SEZ6: variants seen among roughly 807,000 people sequenced by gnomAD.
The protein encoded by SEZ6 is seizure protein 6 homolog.
In SEZ6, 53 loss-of-function variants were observed where a neutral mutation model predicts 101.0. That is an observed-to-expected ratio of 0.52 (90% CI 0.42 to 0.66). SEZ6 has a LOEUF of 0.66. Among genes scored for constraint, SEZ6 ranks in the 30% least tolerant of loss-of-function variants. SEZ6 has a pLI of 0.00. For missense variants in SEZ6, 1,102 were observed against 1,289.4 expected (o/e 0.85, Z 2.23); for synonymous variants, 488 against 512.2 (o/e 0.95, Z 0.64).
chr17:28,959,741 G>A lies in SEZ6; in HGVS notation c.1728C>T (p.Asp576=). 1 of 1,610,836 alleles carries A rather than the reference G, an allele frequency of 6.2e-7. No individual in the cohort carries two copies. The change falls in exon 8 of 17, where the codon GAC becomes GAT. Residue 576 remains aspartate, a synonymous_variant. Transcript: ENST00000317338. This position sits in a 1 kb window ranked among gnomAD's most constrained non-coding sequence, Gnocchi z 4.4. The part of the protein sequence containing the change: ...EQGSIIIECV[D]PHDPQWNETE... The stretch of plus-strand genomic sequence containing the variant: ...TCTCATTCCACTGGGGGTCGTGGGG[G>A]TCAACACACTCGATGATGATGGAGC...
chr17:28,994,679 G>C (rs976977465), intron 1 of SEZ6, among the ~76,000 whole-genome samples: 1 of 151,982 alleles, frequency 6.6e-6, no homozygotes, highest in African/African-American at 2.4e-5. Flanking sequence ...AAAGTGCTGG[G>C]ATTACAGGCG....
Position 28,981,618 on chromosome 17 carries a change from G to A in SEZ6, c.477C>T (p.Pro159=). ...GGCCTAGGGTGGGCACTGCCATGCT[G>A]GGCCCTGGAGGTAGGGGAGCTGTGA... is the stretch of plus-strand genomic sequence containing the variant. The part of the protein sequence containing the change: ...LRITAPLPPG[P]SMAVPTLGPG... The change falls in exon 2 of 17, where the codon CCC becomes CCT. Residue 159 remains proline (P), a synonymous_variant. Transcript: ENST00000317338. 1 of 1,591,898 alleles carries A rather than the reference G, an allele frequency of 6.3e-7. No individual in the cohort carries two copies. Among genetic ancestry groups the A allele is most frequent in the Non-Finnish European group, 8.6e-7 (1 of 1,165,226 alleles).
chr17:28,961,746 GA>G (rs1031916454), intron 5 of SEZ6, among the ~76,000 whole-genome samples: 3 of 152,200 alleles, frequency 2.0e-5, no homozygotes, highest in African/African-American at 4.8e-5. Context: ...TGAGGCCAGA[GA>G]GGGGTCCTCA....
At chr17:28,976,584 G>A (rs1235535558) in intron 3 of SEZ6, among the ~76,000 whole-genome samples, 1 of 152,172 alleles carries the variant, frequency 6.6e-6, no homozygotes, top group Non-Finnish European at 1.5e-5. Flanking sequence ...GAGGAGCCAT[G>A]GGGAGCTCTG....
chr17:28,966,180 AAAAT>A (rs2041064458), intron 4 of SEZ6, among the ~76,000 whole-genome samples: 1 of 147,702 alleles, frequency 6.8e-6, no homozygotes. Context: ...AAAATAAAAT[AAAAT>A]AAAAGTGAAG....
intron 5 of SEZ6, among the ~76,000 whole-genome samples, chr17:28,963,299 C>G (rs2041015206): frequency 1.3e-5 from 2 of 152,184 alleles, no homozygotes. Flanking sequence ...TCTGGAACTT[C>G]CCTCTGCTTC....
At chr17:29,006,058 G>C, upstream of SEZ6, 4 of 397,664 alleles carry the variant, frequency 1.0e-5, no homozygotes, top group Non-Finnish European at 1.2e-5. Context: ...GACGGCGCCG[G>C]GGATCGCCGA....
At chr17:28,984,944 G>A (rs2041357261) in intron 1 of SEZ6, among the ~76,000 whole-genome samples, 2 of 152,194 alleles carry the variant, frequency 1.3e-5, no homozygotes, top group South Asian at 4.1e-4. Flanking sequence ...AGTCTCATCA[G>A]GCACTACTGT....
Position 28,979,746 on chromosome 17 carries a change from G to A in SEZ6, c.792C>T (p.Pro264=), listed in dbSNP as rs774505415. The change falls in exon 3 of 17, where the codon CCC becomes CCT. Residue 264 remains proline (P), a synonymous_variant. Transcript: ENST00000317338. ...SLDSPTDLSS[P]TDVGLDCFFY... is the part of the protein sequence containing the mutation. ...AGAAGCAGTCCAGGCCAACATCAGTGGGGGAGCTGAGGTCTGTAGGGGAGT... is the reference window on the plus strand; with the variant it reads ...AGAAGCAGTCCAGGCCAACATCAGTAGGGGAGCTGAGGTCTGTAGGGGAGT... 7 of 1,613,786 alleles carry A rather than the reference G, an allele frequency of 4.3e-6. No individual in the cohort carries two copies. Among genetic ancestry groups the A allele is most frequent in the Admixed American group, 1.7e-5 (1 of 59,986 alleles).
intron 1 of SEZ6, among the ~76,000 whole-genome samples, chr17:28,982,993 C>T (rs758792292): frequency 8.5e-5 from 13 of 152,132 alleles, no homozygotes; most frequent in Admixed American, 2.6e-4. Flanking sequence ...TTGTTAGGGG[C>T]CCAGTAGTTT....
chr17:28,957,015 G>A (rs1292735598), intron 13 of SEZ6, 30 bp downstream of exon 13: 1 of 1,543,300 alleles, frequency 6.5e-7, no homozygotes, highest in South Asian at 1.2e-5. Context: ...ATGGGCCAGG[G>A]AGGGTTTTGA....
chr17:29,003,661 A>G, intron 1 of SEZ6, among the ~76,000 whole-genome samples: 1 of 152,164 alleles, frequency 6.6e-6, no homozygotes, highest in Non-Finnish European at 1.5e-5. Context: ...GAGATGACTC[A>G]CTATCCCAAT....
chr17:28,959,076 G>C lies in SEZ6; in HGVS notation c.2056C>G (p.Pro686Ala). ...ADVTIQFQSDPGTSVLGYQQG... is the reference protein window; with the variant it reads ...ADVTIQFQSDAGTSVLGYQQG... ...TGGTAGCCCAGCACTGAGGTCCCGGGGTCCGACTGGAACTGAATGGTGACA... is the reference window on the plus strand; with the variant it reads ...TGGTAGCCCAGCACTGAGGTCCCGGCGTCCGACTGGAACTGAATGGTGACA... The change falls in exon 10 of 17, where the codon CCC becomes GCC. Residue 686 changes from proline to alanine, a missense_variant. Around this residue, in one of 3 missense-constraint regions of SEZ6, gnomAD observed 556 missense variants for 735.1 expected, o/e 0.76. Coordinates refer to ENST00000317338, the MANE Select transcript of SEZ6 (RefSeq NM_178860.5). The surrounding 1 kb of genome is among the most constrained non-coding windows in gnomAD (Gnocchi z 4.4). 3 of 1,613,988 alleles carry C rather than the reference G, an allele frequency of 1.9e-6. No homozygotes were observed. Among genetic ancestry groups the C allele is most frequent in the Non-Finnish European group, 1.7e-6 (2 of 1,179,872 alleles).
chr17:28,965,672 G>A (rs2041054655), intron 4 of SEZ6, among the ~76,000 whole-genome samples: 3 of 152,074 alleles, frequency 2.0e-5, no homozygotes, highest in Admixed American at 1.3e-4. Flanking sequence ...GAAAAAGATG[G>A]GGACGAGGGT....
chr17:28,984,729 T>TG (rs1172144393), intron 1 of SEZ6, among the ~76,000 whole-genome samples: 1 of 152,198 alleles, frequency 6.6e-6, no homozygotes, highest in Non-Finnish European at 1.5e-5. Flanking sequence ...AAGCCATTTC[T>TG]GGGGAGAGGG....
rs1312234635 is a variant in SEZ6 at position 28,969,792 on chromosome 17, G to GGTGGC, written c.1014_1018dup (p.Pro340ArgfsTer18). The GGTGGC allele has an allele frequency of 1.3e-6, 2 of 1,508,450 alleles. 1 individual carries two copies. The highest frequency in any genetic ancestry group is 2.7e-5 in the South Asian group (2 of 74,690). The allele number at this position is 1,508,450 out of a possible 1,614,324, so 93.4% of individuals were successfully genotyped here. On this transcript the variant is annotated frameshift_variant, in exon 4 of 17. Transcript: ENST00000317338. LOFTEE classifies it high-confidence loss of function. ...GAAATGGAAGGTGCCAGGGCCAGCC[G>GGTGGC]GTGGCGGGAGGCTCTGGAACCTCAG...
intron 1 of SEZ6, among the ~76,000 whole-genome samples, chr17:29,001,893 G>T (rs2041619534): frequency 6.6e-6 from 1 of 152,110 alleles, no homozygotes; most frequent in South Asian, 2.1e-4. Context: ...TGCATGACTT[G>T]ACAAGAACTT....
chr17:28,995,422 G>C (rs778195283), intron 1 of SEZ6, among the ~76,000 whole-genome samples: 3 of 152,090 alleles, frequency 2.0e-5, no homozygotes, highest in African/African-American at 4.8e-5. Context: ...AGAGCGCTAA[G>C]GTTTCTGGGC....
chr17:28,966,461 C>T (rs1417624511), intron 4 of SEZ6, among the ~76,000 whole-genome samples: 4 of 152,124 alleles, frequency 2.6e-5, no homozygotes, highest in African/African-American at 4.8e-5. Flanking sequence ...CCAGCCTGGG[C>T]GGCAGAGTGA....
Sources: gnomAD v4.1 joint callset for allele counts (sites outside exome capture counted in the v4.1 genomes callset) on GRCh38, gnomAD v4.1.1 for gene constraint, gnomAD v4.1.1 regional missense constraint, Gnocchi (gnomAD v3.1) non-coding constraint, MANE v1.5 for transcripts, NCBI Gene and HGNC (gene_info 2026-07-23, HGNC 2026-07-21) for gene names.